Variants in TNRC6C observed in about 807,000 individuals in gnomAD.
TNRC6C encodes trinucleotide repeat-containing gene 6C protein.
Under a neutral mutation model 153.7 loss-of-function variants are expected in TNRC6C, and 20 were observed. The observed-to-expected ratio is 0.13, with a 90% CI of 0.09 to 0.19. TNRC6C has a LOEUF of 0.19. Ranked by LOEUF, TNRC6C falls within the 10% of genes least tolerant of loss-of-function variation. TNRC6C has a pLI of 1.00. For missense variants in TNRC6C, 1,987 were observed against 2,172.0 expected (o/e 0.91, Z 1.69); for synonymous variants, 811 against 841.4 (o/e 0.96, Z 0.63).
intron 1 of TNRC6C, among the ~76,000 whole-genome samples, chr17:77,976,818 A>C (rs1306050599): frequency 1.3e-5 from 2 of 148,290 alleles, no homozygotes; most frequent in Admixed American, 6.8e-5. Flanking sequence ...AATCCCAGCT[A>C]TTGGGGAGGC....
intron 3 of TNRC6C, among the ~76,000 whole-genome samples, 185 bp from the exon 6 acceptor site, chr17:78,064,537 T>G (rs916663185): frequency 1.3e-5 from 2 of 152,178 alleles, no homozygotes; most frequent in African/African-American, 4.8e-5. Context: ...GAATAAAAAT[T>G]TTAAAATACA....
chr17:78,092,403 G>A (rs1301704902), intron 14 of TNRC6C, among the ~76,000 whole-genome samples: 1 of 152,162 alleles, frequency 6.6e-6, no homozygotes, highest in African/African-American at 2.4e-5. Context: ...CAGACTAAAA[G>A]GAGGGAAGAG....
intron 1 of TNRC6C, among the ~76,000 whole-genome samples, chr17:77,976,811 C>G (rs1280970831): frequency 6.6e-6 from 1 of 151,680 alleles, no homozygotes; most frequent in Admixed American, 6.6e-5. Flanking sequence ...TGCTTATAAT[C>G]CCAGCTATTG....
At chr17:78,041,744 C>T (rs555804130) in intron 2 of TNRC6C, among the ~76,000 whole-genome samples, 12 of 152,238 alleles carry the variant, frequency 7.9e-5, no homozygotes, top group African/African-American at 2.9e-4. Context: ...TTATCCTGCC[C>T]CTGAAAACCA....
At chr17:77,992,959 C>T (rs1378977389) in intron 1 of TNRC6C, among the ~76,000 whole-genome samples, 1 of 151,964 alleles carries the variant, frequency 6.6e-6, no homozygotes, top group Admixed American at 6.6e-5. Context: ...AAACTCTACA[C>T]TTATTTTATT....
chr17:78,059,942 G>A (rs1029708755), intron 3 of TNRC6C, among the ~76,000 whole-genome samples: 4 of 151,772 alleles, frequency 2.6e-5, no homozygotes, highest in African/African-American at 4.8e-5. Flanking sequence ...TATTAGTATC[G>A]TGAAATCAAA....
At chr17:77,961,251 G>C (rs182770525) in intron 1 of TNRC6C, among the ~76,000 whole-genome samples, 69 of 152,006 alleles carry the variant, frequency 4.5e-4, no homozygotes, top group African/African-American at 1.6e-3. Flanking sequence ...CGCCTCCCGG[G>C]TTCAAGCGAT....
chr17:78,085,263 T>G, intron 11 of TNRC6C, among the ~76,000 whole-genome samples: 1 of 152,166 alleles, frequency 6.6e-6, no homozygotes, highest in Non-Finnish European at 1.5e-5. Flanking sequence ...GTGAAAGACA[T>G]CAAGAAAATG....
intron 2 of TNRC6C, among the ~76,000 whole-genome samples, chr17:78,037,967 TATA>T (rs2072212681): frequency 6.6e-6 from 1 of 152,042 alleles, no homozygotes; most frequent in Non-Finnish European, 1.5e-5. Flanking sequence ...GGAACTATGA[TATA>T]AAGAGAGCAG....
intron 1 of TNRC6C, among the ~76,000 whole-genome samples, chr17:77,992,482 A>G (rs1443852214): frequency 4.3e-5 from 2 of 46,846 alleles, no homozygotes; most frequent in Non-Finnish European, 7.0e-5. Context: ...TGGGCGACAG[A>G]GCGAGACTCC....
At chr17:78,045,776 C>T (rs550314321) in intron 2 of TNRC6C, among the ~76,000 whole-genome samples, 8 of 152,190 alleles carry the variant, frequency 5.3e-5, no homozygotes, top group Admixed American at 3.3e-4. Flanking sequence ...GCTCTGCCGC[C>T]TGATTTGTAT....
intron 1 of TNRC6C, among the ~76,000 whole-genome samples, chr17:78,016,569 C>T (rs2071732337): frequency 6.6e-6 from 1 of 152,152 alleles, no homozygotes; most frequent in Admixed American, 6.5e-5. Flanking sequence ...ATATGGGAAC[C>T]AAATTAAGGG....
At chr17:78,077,690 C>A in intron 9 of TNRC6C, 1 of 238,692 alleles carries the variant, frequency 4.2e-6, no homozygotes, top group South Asian at 6.4e-5. Flanking sequence ...CTCATGGCAA[C>A]CAAAACGACG....
chr17:77,958,161 GCGCCGGGCGC>G (rs972750021), upstream of TNRC6C, among the ~76,000 whole-genome samples: 9 of 152,024 alleles, frequency 5.9e-5, no homozygotes, highest in Admixed American at 2.0e-4. Context: ...GCCGGTGCGG[GCGCCGGGCGC>G]CGCCGGGCGC....
intron 1 of TNRC6C, among the ~76,000 whole-genome samples, chr17:77,985,573 G>A (rs1483540423): frequency 6.8e-6 from 1 of 146,462 alleles, no homozygotes; most frequent in Admixed American, 6.7e-5. Context: ...CTGCACTCCA[G>A]CCTGGGCAAC....
chr17:78,043,736 G>A (rs888564404), intron 2 of TNRC6C, among the ~76,000 whole-genome samples: 2 of 150,648 alleles, frequency 1.3e-5, no homozygotes, highest in African/African-American at 2.5e-5. Context: ...CCTCACTCTC[G>A]CACTACCCTT....
chr17:78,012,590 A>C (rs1381756473), intron 1 of TNRC6C, among the ~76,000 whole-genome samples: 7 of 152,376 alleles, frequency 4.6e-5, no homozygotes, highest in Non-Finnish European at 1.0e-4. Flanking sequence ...AAATGAATGC[A>C]ATAAAATGTT....
In TNRC6C at chr17:78,049,395, A is replaced by C. The variant is rs748049263; in HGVS notation, c.333A>C (p.Val111=). 2.5e-6 allele frequency: 4 copies of C among 1,613,892 alleles called. No homozygotes were observed. The highest frequency in any genetic ancestry group is 3.4e-6 in the Non-Finnish European group (4 of 1,179,886). The change falls in exon 3 of 20, where the codon GTA becomes GTC. Residue 111 remains valine (V), a synonymous_variant. Coordinates refer to ENST00000301624, the Ensembl canonical transcript of TNRC6C. This position sits in a 1 kb window ranked among gnomAD's most constrained non-coding sequence, Gnocchi z 4.1. ...ATGCCAACCCAGCTGCCTGGCCTGT[A>C]CTTGGACATGAAGGAACCGTGGCGA...
At chr17:78,010,152 G>A (rs1249638303) in intron 1 of TNRC6C, among the ~76,000 whole-genome samples, 1 of 152,218 alleles carries the variant, frequency 6.6e-6, no homozygotes, top group East Asian at 1.9e-4. Flanking sequence ...TGGGATTACA[G>A]GCTTGAGCCA....
Sources: allele counts gnomAD v4.1 joint callset (sites outside exome capture counted in the v4.1 genomes callset), GRCh38; gene constraint gnomAD v4.1.1; non-coding constraint Gnocchi (gnomAD v3.1); transcripts MANE v1.5; gene names NCBI Gene and HGNC (gene_info 2026-07-23, HGNC 2026-07-21).